Variants in PTGES observed in about 807,000 individuals in gnomAD.
PTGES encodes MGST1-like 1.
A neutral mutation model predicts 11.8 loss-of-function variants in PTGES; 3 were observed. That is an observed-to-expected ratio of 0.25 (90% CI 0.12 to 0.66). PTGES has a LOEUF of 0.66. Among genes scored for constraint, PTGES ranks in the 30% least tolerant of loss-of-function variants. The pLI is 0.82. For missense variants in PTGES, 180 were observed against 213.0 expected (o/e 0.85, Z 0.96); for synonymous variants, 94 against 90.4 (o/e 1.04, Z -0.22).
At chr9:129,744,571 C>CAAAAAA (rs60799589) in intron 2 of PTGES, among the ~76,000 whole-genome samples, 1 of 50,396 alleles carries the variant, frequency 2.0e-5, no homozygotes, top group African/African-American at 7.2e-5. Context: ...GACCCTGTCA[C>CAAAAAA]AAAAAAAAAA....
Position 129,738,454 on chromosome 9 carries a change from C to T in PTGES, c.*1157G>A, listed in dbSNP as rs1347741965. 1 of 149,386 alleles carries T rather than the reference C, an allele frequency of 6.7e-6. No individual in the cohort carries two copies. The highest frequency in any genetic ancestry group is 1.5e-5 in the Non-Finnish European group (1 of 68,126). 9.3% of individuals were successfully genotyped at this position (149,386 alleles called of 1,614,324 possible). On this transcript the variant is annotated 3_prime_UTR_variant, in exon 3 of 3. Coordinates refer to ENST00000340607, the MANE Select transcript of PTGES (RefSeq NM_004878.5). This position sits in a 1 kb window ranked among gnomAD's most constrained non-coding sequence, Gnocchi z 4.2. ...ACACACACACACACACACACACACACACACGGATTCCCCATCAAGGGGACA... is the reference window on the plus strand; with the variant it reads ...ACACACACACACACACACACACACATACACGGATTCCCCATCAAGGGGACA...
intron 1 of PTGES, among the ~76,000 whole-genome samples, chr9:129,751,314 C>A (rs1833104481): frequency 6.8e-6 from 1 of 147,704 alleles, no homozygotes; most frequent in Non-Finnish European, 1.5e-5. Context: ...CAGAGCAAGA[C>A]CCTGTCTCTA....
intron 2 of PTGES, among the ~76,000 whole-genome samples, chr9:129,743,332 C>A (rs908692137): frequency 6.6e-6 from 1 of 152,224 alleles, no homozygotes; most frequent in African/African-American, 2.4e-5. Context: ...CTCCTCCCAC[C>A]TCCAGGCTCC....
chr9:129,748,866 C>T (rs1461593665), intron 1 of PTGES, 129 bp from the exon 2 acceptor site: 4 of 723,488 alleles, frequency 5.5e-6, no homozygotes, highest in Non-Finnish European at 6.6e-6. Context: ...CCCATCCAAC[C>T]ATCATCCACG....
At chr9:129,750,256 C>T (rs182421702) in intron 1 of PTGES, among the ~76,000 whole-genome samples, 111 of 152,316 alleles carry the variant, frequency 7.3e-4, no homozygotes, top group African/African-American at 2.3e-3. Flanking sequence ...GTTCAGCTGA[C>T]GGCAAATCCT....
Position 129,739,498 on chromosome 9 carries a change from A to C in PTGES, c.*113T>G. 2 of 1,421,534 alleles carry C rather than the reference A, an allele frequency of 1.4e-6. No homozygotes were observed. The highest frequency in any genetic ancestry group is 1.9e-6 in the Non-Finnish European group (2 of 1,075,858). 88.1% of individuals were successfully genotyped at this position (1,421,534 alleles called of 1,614,324 possible). The stretch of plus-strand genomic sequence containing the variant: ...AGACCCACACGCGCAGCAGGCTGCC[A>C]GGAAACCAGGACTCAGGGCCCACCA... On this transcript the variant is annotated 3_prime_UTR_variant, in exon 3 of 3. Transcript: ENST00000340607. This position sits in a 1 kb window ranked among gnomAD's most constrained non-coding sequence, Gnocchi z 5.7.
Position 129,739,349 on chromosome 9 carries a change from C to G in PTGES, c.*262G>C. ...TTACTTTAGCTGAAGGATTTTCTAT[C>G]AATCTTCACAATCTGTCTTGAAATG... On this transcript the variant is annotated 3_prime_UTR_variant, in exon 3 of 3. Transcript: ENST00000340607. The surrounding 1 kb of genome is among the most constrained non-coding windows in gnomAD (Gnocchi z 5.7). 1 of 462,922 alleles carries G rather than the reference C, an allele frequency of 2.2e-6. No individual in the cohort carries two copies. Among genetic ancestry groups the G allele is most frequent in the Non-Finnish European group, 3.8e-6 (1 of 260,108 alleles). 28.7% of individuals were successfully genotyped at this position (462,922 alleles called of 1,614,324 possible). A position where few individuals can be genotyped will look rare whatever the true frequency, so the allele number is the denominator to read the frequency against.
chr9:129,746,896 C>T (rs45577936), intron 2 of PTGES, among the ~76,000 whole-genome samples: 401 of 152,286 alleles, frequency 2.6e-3, no homozygotes, highest in African/African-American at 9.4e-3. Flanking sequence ...TGGGATTTTA[C>T]GAAGCCAGTT....
In PTGES at chr9:129,739,057, C is replaced by G. The variant is rs200567109; in HGVS notation, c.*554G>C. 6.5e-6 allele frequency: 1 copy of G among 153,530 alleles called. No individual in the cohort carries two copies. The highest frequency in any genetic ancestry group is 1.4e-5 in the Non-Finnish European group (1 of 69,160). 9.5% of individuals were successfully genotyped at this position (153,530 alleles called of 1,614,324 possible). ...CTGAGGCGGGAGAATCGCTTGAACC[C>G]GGGAGGCGGAGGCTGCAGTGAGCCA... On this transcript the variant is annotated 3_prime_UTR_variant, in exon 3 of 3. Transcript: ENST00000340607. This position sits in a 1 kb window ranked among gnomAD's most constrained non-coding sequence, Gnocchi z 5.7.
In PTGES at chr9:129,745,466, C is replaced by T. The variant is rs996992821; in HGVS notation, c.209+3189G>A. ...ACTTTTGCTTCCAGGTGGTCTCCCC[C>T]TTCGGGTTCCAGCCAGTTCTCCGGT... On this transcript the variant is annotated intron_variant, in intron 2 of 2. Transcript: ENST00000340607. The surrounding 1 kb of genome is among the most constrained non-coding windows in gnomAD (Gnocchi z 4.2). Among the ~76,000 whole-genome samples, 1 of 152,188 alleles carries T rather than the reference C, an allele frequency of 6.6e-6. No homozygotes were observed. The highest frequency in any genetic ancestry group is 1.5e-5 in the Non-Finnish European group (1 of 68,042).
chr9:129,741,878 C>T (rs1371784972), intron 2 of PTGES, among the ~76,000 whole-genome samples: 3 of 151,130 alleles, frequency 2.0e-5, no homozygotes, highest in Non-Finnish European at 4.4e-5. Context: ...GTACTCCAGC[C>T]TGGGCAAAAA....
chr9:129,746,456 C>T lies in PTGES; in HGVS notation c.209+2199G>A, dbSNP rs117319270. Among the ~76,000 whole-genome samples the T allele has an allele frequency of 8.5e-3, 1,299 of 152,176 alleles. 11 individuals carry two copies. Among genetic ancestry groups the T allele is most frequent in the Middle Eastern group, 0.02 (6 of 294 alleles). ...TAGTAAGGGCTCATTAATGGAGAGA[C>T]GGGCCTCATATGAAGGATTTGAAAG... On this transcript the variant is annotated intron_variant, in intron 2 of 2. Coordinates refer to ENST00000340607, the MANE Select transcript of PTGES (RefSeq NM_004878.5).
chr9:129,748,579 C>A, intron 2 of PTGES, 76 bp downstream of exon 2: 1 of 1,235,882 alleles, frequency 8.1e-7, no homozygotes, highest in South Asian at 1.6e-5. Context: ...TCCTCCAAGT[C>A]CCCTGTGTGC....
rs904586321 is a variant in PTGES, at chr9:129,739,429, C to CACAT, written c.*178_*181dup. ...CAAGGGGCTAAGAAACATACACACA[C>CACAT]ACATACACACACACGGGCACACACA... On this transcript the variant is annotated 3_prime_UTR_variant, in exon 3 of 3. Transcript: ENST00000340607. The surrounding 1 kb of genome is among the most constrained non-coding windows in gnomAD (Gnocchi z 5.7). 1.5e-4 allele frequency: 118 copies of CACAT among 790,842 alleles called. No individual in the cohort carries two copies. Among genetic ancestry groups the CACAT allele is most frequent in the South Asian group, 8.5e-4 (46 of 54,064 alleles). The allele number at this position is 790,842 out of a possible 1,614,324, so 49.0% of individuals were successfully genotyped here.
intron 2 of PTGES, among the ~76,000 whole-genome samples, chr9:129,742,548 C>T (rs1473556485): frequency 6.6e-6 from 1 of 152,040 alleles, no homozygotes; most frequent in Non-Finnish European, 1.5e-5. Flanking sequence ...TTGAAAGTTT[C>T]AGGAAAAGCA....
intron 1 of PTGES, among the ~76,000 whole-genome samples, chr9:129,750,759 AC>A (rs1833095317): frequency 6.6e-6 from 1 of 151,808 alleles, no homozygotes; most frequent in South Asian, 2.1e-4. Context: ...TGCTGTCACG[AC>A]CCCCGTTTAC....
intron 2 of PTGES, among the ~76,000 whole-genome samples, chr9:129,744,184 C>T (rs1833027867): frequency 6.6e-6 from 1 of 152,150 alleles, no homozygotes. Context: ...CCATCTCCTC[C>T]ATCGCCATCA....
chr9:129,742,514 G>T, intron 2 of PTGES, among the ~76,000 whole-genome samples: 1 of 152,078 alleles, frequency 6.6e-6, no homozygotes, highest in South Asian at 2.1e-4. Flanking sequence ...GTGCCACCTG[G>T]ATGAGGAGTT....
intron 2 of PTGES, among the ~76,000 whole-genome samples, chr9:129,748,009 CAAAAAAAAAAAAAAAA>C (rs71497492): frequency 4.3e-5 from 1 of 23,436 alleles, no homozygotes; most frequent in Non-Finnish European, 8.7e-5. Context: ...GACTCTGTCT[CAAAAAAAAAAAAAAAA>C]AAAAAAAAAA....
Sources: allele counts gnomAD v4.1 joint callset (sites outside exome capture counted in the v4.1 genomes callset), GRCh38; gene constraint gnomAD v4.1.1; non-coding constraint Gnocchi (gnomAD v3.1); transcripts MANE v1.5; gene names NCBI Gene and HGNC (gene_info 2026-07-23, HGNC 2026-07-21).